Variants in SLC24A4 observed in about 807,000 individuals in gnomAD.
SLC24A4 encodes the protein solute carrier family 24 member 4, also known as sodium/potassium/calcium exchanger 4.
Under a neutral mutation model 79.0 loss-of-function variants are expected in SLC24A4, and 53 were observed. The observed-to-expected ratio is 0.67, with a 90% CI of 0.54 to 0.84. SLC24A4 has a LOEUF of 0.84. Ranked by LOEUF, SLC24A4 falls within the 40% of genes least tolerant of loss-of-function variation. The pLI is 0.00. For missense variants in SLC24A4, 731 were observed against 822.0 expected (o/e 0.89, Z 1.35); for synonymous variants, 323 against 323.8 (o/e 1.00, Z 0.03).
intron 12 of SLC24A4, among the ~76,000 whole-genome samples, chr14:92,459,450 G>A (rs529191681): frequency 1.8e-4 from 27 of 152,228 alleles, no homozygotes; most frequent in African/African-American, 6.5e-4. Flanking sequence ...CTTGCTTGGG[G>A]GCAGGACTTC....
intron 2 of SLC24A4, among the ~76,000 whole-genome samples, chr14:92,332,449 TA>T (rs1885535778): frequency 6.6e-6 from 1 of 152,180 alleles, no homozygotes; most frequent in South Asian, 2.1e-4. Flanking sequence ...TTTGGGAGGC[TA>T]AGGCAGGAGG....
Position 92,484,055 on chromosome 14 carries a change from T to C in SLC24A4, c.1422+1209T>C, listed in dbSNP as rs1322234425. The C allele has an allele frequency of 4.1e-6, 4 of 985,170 alleles. No individual in the cohort carries two copies. The African/African-American group carries it at 7.0e-5, about 17-fold the overall frequency. 61.0% of individuals were successfully genotyped at this position (985,170 alleles called of 1,614,324 possible). A position where few individuals can be genotyped will look rare whatever the true frequency, so the allele number is the denominator to read the frequency against. On this transcript the variant is annotated intron_variant, in intron 13 of 16. Coordinates refer to ENST00000532405, the MANE Select transcript of SLC24A4 (RefSeq NM_153646.4). ...CCACAGAAGCTGGTGACTCCCTCTA[T>C]GAAGTGGGGGTGATCATCACTCTCT...
intron 14 of SLC24A4, among the ~76,000 whole-genome samples, chr14:92,487,585 A>G (rs1416761770): frequency 6.6e-6 from 1 of 152,144 alleles, no homozygotes; most frequent in Non-Finnish European, 1.5e-5. Flanking sequence ...GGAAGAGTGG[A>G]AGTACGTTTG....
rs538354293 is a variant in SLC24A4, at chr14:92,412,423, G to A, written c.242-21489G>A. On this transcript the variant is annotated intron_variant, in intron 2 of 16. Coordinates refer to ENST00000532405, the MANE Select transcript of SLC24A4 (RefSeq NM_153646.4). Reference sequence around the variant, plus strand: ...TTAGGGTGCCAGACAGGCAAAAACAGTAGGTATTGATGTTAACCCTGTCAA... The same window carrying A: ...TTAGGGTGCCAGACAGGCAAAAACAATAGGTATTGATGTTAACCCTGTCAA... Among the ~76,000 whole-genome samples, 4 of 152,290 alleles carry A rather than the reference G, an allele frequency of 2.6e-5. No homozygotes were observed. In the South Asian group the frequency reaches 8.3e-4, roughly 32 times the overall value.
At chr14:92,376,173 A>G (rs1013751563) in intron 2 of SLC24A4, among the ~76,000 whole-genome samples, 4 of 152,230 alleles carry the variant, frequency 2.6e-5, no homozygotes, top group African/African-American at 9.7e-5. Flanking sequence ...AGCAAGGCAG[A>G]CGAGGGTTCA....
At chr14:92,395,412 T>C (rs375235519) in intron 2 of SLC24A4, among the ~76,000 whole-genome samples, 11 of 144,242 alleles carry the variant, frequency 7.6e-5, no homozygotes, top group Middle Eastern at 6.9e-3. Context: ...CCAGGGATGA[T>C]TCAAAACAAA....
intron 2 of SLC24A4, among the ~76,000 whole-genome samples, chr14:92,346,519 G>A (rs116300041): frequency 0.013 from 1,972 of 152,260 alleles, 23 homozygotes; most frequent in African/African-American, 0.033. Context: ...TGAGATCTGA[G>A]GTCATAAGCG....
chr14:92,375,657 A>G (rs190396925), intron 2 of SLC24A4, among the ~76,000 whole-genome samples: 5 of 152,252 alleles, frequency 3.3e-5, no homozygotes, highest in African/African-American at 4.8e-5. Context: ...ATGCCACAAC[A>G]TGGATGAACT....
chr14:92,383,683 C>A (rs8007994), intron 2 of SLC24A4, among the ~76,000 whole-genome samples: 5,808 of 152,208 alleles, frequency 0.038, 371 homozygotes, highest in African/African-American at 0.13. Context: ...AGTGGCCCTC[C>A]CTACCCCAGC....
At chr14:92,362,412 C>T (rs1047387542) in intron 2 of SLC24A4, among the ~76,000 whole-genome samples, 1 of 152,158 alleles carries the variant, frequency 6.6e-6, no homozygotes, top group Non-Finnish European at 1.5e-5. Flanking sequence ...TCCTGTCAGT[C>T]CCCCCAATGT....
chr14:92,460,608 G>T (rs10498633), intron 12 of SLC24A4, among the ~76,000 whole-genome samples: 28,527 of 152,144 alleles, frequency 0.19, 2,875 homozygotes, highest in Non-Finnish European at 0.23. Context: ...CTCTCAGTCA[G>T]TAAACAGTTA....
intron 2 of SLC24A4, among the ~76,000 whole-genome samples, chr14:92,395,300 C>G (rs111546673): frequency 6.6e-6 from 1 of 152,086 alleles, no homozygotes; most frequent in Non-Finnish European, 1.5e-5. Context: ...TCCCTAGCCC[C>G]GTTGCCTGGA....
At position 92,429,267 on chromosome 14, in the gene SLC24A4, G is replaced by A. The variant is rs559727294; in HGVS notation, c.242-4645G>A. 3.9e-5 allele frequency among the ~76,000 whole-genome samples: 6 copies of A among 152,262 alleles called. No individual in the cohort carries two copies. In the East Asian group the frequency reaches 1.2e-3, roughly 29 times the overall value. ...GCACAAGGGAATTTTAGGGGTGATG[G>A]AACTATTCTGTCTGAGGTATGGTGG... is the stretch of plus-strand genomic sequence containing the variant. On this transcript the variant is annotated intron_variant, in intron 2 of 16. Transcript: ENST00000532405.
chr14:92,359,480 T>C (rs1887374561), intron 2 of SLC24A4, among the ~76,000 whole-genome samples: 2 of 152,034 alleles, frequency 1.3e-5, no homozygotes, highest in Admixed American at 6.5e-5. Context: ...GCACCTGTAA[T>C]CCCAGCTACT....
intron 2 of SLC24A4, among the ~76,000 whole-genome samples, chr14:92,391,671 G>A (rs1460066533): frequency 3.3e-5 from 5 of 152,204 alleles, no homozygotes; most frequent in African/African-American, 4.8e-5. Context: ...GACTTTCTTG[G>A]TTAGTAGAAT....
In SLC24A4 at chr14:92,488,719, C is replaced by T. The variant is rs1395084145; in HGVS notation, c.1537+1939C>T. Among the ~76,000 whole-genome samples the T allele has an allele frequency of 3.9e-5, 6 of 152,266 alleles. No individual in the cohort carries two copies. In the South Asian group the frequency reaches 6.2e-4, roughly 16 times the overall value. On this transcript the variant is annotated intron_variant, in intron 14 of 16. Coordinates refer to ENST00000532405, the MANE Select transcript of SLC24A4 (RefSeq NM_153646.4). Reference sequence around the variant, plus strand: ...GAGTACAAGGAAAGCTGGTGAGCACCGGGGCCCTGGCCGATGTTCAGCGAC... The same window carrying T: ...GAGTACAAGGAAAGCTGGTGAGCACTGGGGCCCTGGCCGATGTTCAGCGAC...
chr14:92,477,555 G>A (rs1894836310), intron 12 of SLC24A4, among the ~76,000 whole-genome samples: 1 of 151,978 alleles, frequency 6.6e-6, no homozygotes, highest in Non-Finnish European at 1.5e-5. Flanking sequence ...TAACTCCTAG[G>A]CTAGAGCAAT....
At chr14:92,483,012 C>T (rs1302423503) in intron 13 of SLC24A4, among the ~76,000 whole-genome samples, 166 bp downstream of exon 13, 1 of 23,718 alleles carries the variant, frequency 4.2e-5, no homozygotes, top group Non-Finnish European at 1.0e-3. Context: ...AGGTGCATGA[C>T]TCTGTGTCAG....
At chr14:92,324,389 G>A (rs1884999769) in intron 1 of SLC24A4, among the ~76,000 whole-genome samples, 1 of 152,218 alleles carries the variant, frequency 6.6e-6, no homozygotes, top group African/African-American at 2.4e-5. Context: ...GGTTCAAAGG[G>A]GTCCCCTGGG....
Sources: allele counts gnomAD v4.1 joint callset (sites outside exome capture counted in the v4.1 genomes callset), GRCh38; gene constraint gnomAD v4.1.1; transcripts MANE v1.5; gene names NCBI Gene and HGNC (gene_info 2026-07-23, HGNC 2026-07-21).